Variants in CFAP54 observed in about 807,000 individuals in gnomAD.
CFAP54 encodes cilia and flagella associated protein 54.
Under a neutral mutation model 370.4 loss-of-function variants are expected in CFAP54, and 290 were observed. The observed-to-expected ratio is 0.78, with a 90% CI of 0.71 to 0.86. The LOEUF (loss-of-function observed/expected upper bound fraction) is 0.86, where lower values mean the gene tolerates loss of function less well. Ranked by LOEUF, CFAP54 falls within the 40% of genes least tolerant of loss-of-function variation. The pLI is 0.00. For missense variants in CFAP54, 3,399 were observed against 3,528.7 expected (o/e 0.96, Z 0.93); for synonymous variants, 1,206 against 1,236.5 (o/e 0.98, Z 0.52).
chr12:96,644,365 G>A lies in CFAP54; in HGVS notation c.4504G>A (p.Glu1502Lys). Residue 1502 changes from glutamate to lysine, a missense_variant, in exon 33 of 68, where the codon GAG becomes AAG. Glu to Lys is a moderately conservative substitution (Grantham distance 56). This residue lies in a region of CFAP54 where 2,796 missense variants were observed against 2,869.7 expected (regional missense o/e 0.97). Transcript: ENST00000524981. ...HFNLVLQKLW[E>K]CTKMKFGTSH... ...TAACCTGGTTTTACAAAAGCTATGG[G>A]AGTGTACGAAGATGAAATTTGGCAC... 2 of 1,535,932 alleles carry A rather than the reference G, an allele frequency of 1.3e-6. No homozygotes were observed. Among genetic ancestry groups the A allele is most frequent in the South Asian group, 1.2e-5 (1 of 84,060 alleles).
At chr12:96,691,825 C>A (rs1488158049) in intron 44 of CFAP54, among the ~76,000 whole-genome samples, 1 of 152,020 alleles carries the variant, frequency 6.6e-6, no homozygotes, top group Non-Finnish European at 1.5e-5. Context: ...TACAGCTCTC[C>A]TCTCCTTTGG....
intron 51 of CFAP54, among the ~76,000 whole-genome samples, chr12:96,740,520 A>G (rs549433326): frequency 5.6e-4 from 85 of 152,340 alleles, no homozygotes; most frequent in Admixed American, 2.0e-3. Flanking sequence ...CTAATGTCAC[A>G]TATTCTCTGA....
intron 66 of CFAP54, among the ~76,000 whole-genome samples, chr12:96,855,351 C>T (rs551438055): frequency 2.0e-5 from 3 of 152,250 alleles, no homozygotes; most frequent in African/African-American, 7.2e-5. Context: ...CTAACAGTCC[C>T]CCAAAGTCTT....
chr12:96,610,423 C>G (rs1424102314), intron 26 of CFAP54, among the ~76,000 whole-genome samples: 1 of 152,116 alleles, frequency 6.6e-6, no homozygotes, highest in Non-Finnish European at 1.5e-5. Flanking sequence ...GGGGTGGGGG[C>G]TCCCAAGATG....
At chr12:96,663,791 A>G (rs773500331) in intron 38 of CFAP54, 39 bp from the exon 39 acceptor site, 1 of 1,461,000 alleles carries the variant, frequency 6.8e-7, no homozygotes, top group Non-Finnish European at 9.6e-7. Flanking sequence ...TTAACTATAA[A>G]TACCCGACTA....
At chr12:96,513,424 C>G (rs1339412840) in intron 5 of CFAP54, among the ~76,000 whole-genome samples, 1 of 152,150 alleles carries the variant, frequency 6.6e-6, no homozygotes. Flanking sequence ...TAGTAATTAT[C>G]AGTAGTGCCC....
chr12:96,683,935 G>A (rs1314882428), intron 40 of CFAP54, among the ~76,000 whole-genome samples: 1 of 152,156 alleles, frequency 6.6e-6, no homozygotes, highest in African/African-American at 2.4e-5. Context: ...GGGATTACAG[G>A]CATGTGCCAT....
rs117578509 is a variant in CFAP54 at position 96,500,445 on chromosome 12, T to G, written c.318-389T>G. On this transcript the variant is annotated intron_variant, in intron 1 of 67. Transcript: ENST00000524981. The stretch of plus-strand genomic sequence containing the variant: ...AACAGTGAACCCTAAACTATGGACT[T>G]TGGGTGATAATGATGTGTCAATGTA... 7.0e-3 allele frequency among the ~76,000 whole-genome samples: 1,072 copies of G among 152,236 alleles called. 32 individuals are homozygous for G. Among genetic ancestry groups the G allele is most frequent in the East Asian group, 0.055 (284 of 5,180 alleles).
Position 96,747,941 on chromosome 12 carries a change from G to A in CFAP54, c.7684+3795G>A, listed in dbSNP as rs569444466. Among the ~76,000 whole-genome samples, 10 of 152,092 alleles carry A rather than the reference G, an allele frequency of 6.6e-5. No individual in the cohort carries two copies. The East Asian group carries it at 1.9e-3, about 29-fold the overall frequency. On this transcript the variant is annotated intron_variant, in intron 55 of 67. Transcript: ENST00000524981. ...TACTTTAGTTTCTTTATCTTTGTCA[G>A]TTTGATCAATTTGTTTTTATGACCT...
intron 1 of CFAP54, among the ~76,000 whole-genome samples, chr12:96,492,363 C>T (rs902810945): frequency 6.6e-6 from 1 of 152,174 alleles, no homozygotes; most frequent in Non-Finnish European, 1.5e-5. Flanking sequence ...TCCAGAGAAA[C>T]AGGTCCTACT....
intron 39 of CFAP54, among the ~76,000 whole-genome samples, chr12:96,675,880 T>C (rs1957200346): frequency 6.6e-6 from 1 of 150,782 alleles, no homozygotes. Flanking sequence ...CAGGTGGGAA[T>C]TGAAGGATGA....
At chr12:96,798,911 C>G (rs1958792710) in intron 63 of CFAP54, among the ~76,000 whole-genome samples, 1 of 152,102 alleles carries the variant, frequency 6.6e-6, no homozygotes, top group South Asian at 2.1e-4. Context: ...AGAGAGTAAA[C>G]TGTGCCTAAC....
rs533657266 is a variant in CFAP54 at position 96,764,359 on chromosome 12, A to C, written c.8139+110A>C. 1.9e-5 allele frequency: 14 copies of C among 720,516 alleles called. No homozygotes were observed. In the African/African-American group the frequency reaches 2.4e-4, roughly 12 times the overall value. The allele number at this position is 720,516 out of a possible 1,614,324, so 44.6% of individuals were successfully genotyped here. ...AGAAAGGAGTTGGGTGTGATACCTC[A>C]TGCCTGTTATCCCAGCACTTTGGGA... On this transcript the variant is annotated intron_variant, in intron 59 of 67. Coordinates refer to ENST00000524981, the MANE Select transcript of CFAP54 (RefSeq NM_001306084.2).
At chr12:96,640,618 G>A (rs1446514259) in intron 32 of CFAP54, among the ~76,000 whole-genome samples, 1 of 152,194 alleles carries the variant, frequency 6.6e-6, no homozygotes, top group Non-Finnish European at 1.5e-5. Flanking sequence ...GCATTGCCAA[G>A]TCAATCCTAA....
chr12:96,543,326 G>A (rs11108574), intron 14 of CFAP54, among the ~76,000 whole-genome samples: 18,719 of 152,208 alleles, frequency 0.12, 1,239 homozygotes, highest in Middle Eastern at 0.19. Flanking sequence ...CCCATGTAAT[G>A]CATGGTAAGT....
chr12:96,614,899 T>C (rs1264244353), intron 26 of CFAP54, among the ~76,000 whole-genome samples: 1 of 152,132 alleles, frequency 6.6e-6, no homozygotes, highest in Non-Finnish European at 1.5e-5. Flanking sequence ...TGCTCATGGA[T>C]AGGAAGAATC....
chr12:96,850,116 C>T (rs1034143897), intron 66 of CFAP54, among the ~76,000 whole-genome samples: 1 of 151,426 alleles, frequency 6.6e-6, no homozygotes, highest in African/African-American at 2.4e-5. Context: ...CGGTGGCTCA[C>T]GCCTGTAATC....
Position 96,519,027 on chromosome 12 carries a change from G to T in CFAP54, c.898G>T (p.Val300Phe). ...LTWRATLYTA[V>F]CQCCYDCHAG... Reference sequence around the variant, plus strand: ...ATGGCGCGCTACTCTCTACACAGCTGTTTGCCAGTGCTGCTATGACTGCCA... The same window carrying T: ...ATGGCGCGCTACTCTCTACACAGCTTTTTGCCAGTGCTGCTATGACTGCCA... Residue 300 changes from valine to phenylalanine, a missense_variant, in exon 6 of 68, where the codon GTT becomes TTT. Physicochemically the swap from Val to Phe is conservative, Grantham distance 50. Around this residue, in one of 3 missense-constraint regions of CFAP54, gnomAD observed 559 missense variants for 576.7 expected, o/e 0.97. Coordinates refer to ENST00000524981, the MANE Select transcript of CFAP54 (RefSeq NM_001306084.2). 1 of 1,535,656 alleles carries T rather than the reference G, an allele frequency of 6.5e-7. No individual in the cohort carries two copies. The highest frequency in any genetic ancestry group is 1.2e-5 in the South Asian group (1 of 84,034).
At chr12:96,777,077 C>A (rs541824126) in intron 60 of CFAP54, among the ~76,000 whole-genome samples, 5 of 152,184 alleles carry the variant, frequency 3.3e-5, no homozygotes, top group Non-Finnish European at 7.4e-5. Flanking sequence ...CAAATGTTTG[C>A]CTCCTACCTA....
Sources: allele counts gnomAD v4.1 joint callset (sites outside exome capture counted in the v4.1 genomes callset), GRCh38; gene constraint gnomAD v4.1.1; regional missense constraint gnomAD v4.1.1; transcripts MANE v1.5; gene names NCBI Gene and HGNC (gene_info 2026-07-23, HGNC 2026-07-21).